Variants in CFAP299 observed in about 807,000 individuals in gnomAD.
CFAP299 encodes the protein cilia- and flagella-associated protein 299.
Under a neutral mutation model 27.0 loss-of-function variants are expected in CFAP299, and 21 were observed. That is an observed-to-expected ratio of 0.78 (90% CI 0.55 to 1.12). The LOEUF is 1.12. Among genes scored for constraint, CFAP299 ranks in the 50% most tolerant of loss-of-function variants. CFAP299 has a pLI of 0.00. For synonymous variants in CFAP299, 104 were observed against 98.1 expected (o/e 1.06, Z -0.36); for missense variants, 310 against 276.6 (o/e 1.12, Z -0.86).
At chr4:80,811,400 G>T (rs1307895118) in intron 3 of CFAP299, among the ~76,000 whole-genome samples, 2 of 152,106 alleles carry the variant, frequency 1.3e-5, no homozygotes, top group Non-Finnish European at 2.9e-5. Context: ...TTAGATGAAA[G>T]TGTTTATATA....
chr4:80,747,274 A>C (rs1493178), intron 3 of CFAP299, among the ~76,000 whole-genome samples: 35,026 of 151,934 alleles, frequency 0.23, 5,789 homozygotes, highest in African/African-American at 0.47. Flanking sequence ...ATTGTATGTA[A>C]TATACTTTTA....
intron 3 of CFAP299, among the ~76,000 whole-genome samples, chr4:80,593,575 C>T (rs1482064333): frequency 1.3e-5 from 2 of 152,144 alleles, no homozygotes; most frequent in South Asian, 2.1e-4. Flanking sequence ...GATATCCACA[C>T]TCTCCAGATA....
intron 5 of CFAP299, among the ~76,000 whole-genome samples, chr4:80,959,929 A>T (rs1333351866): frequency 6.6e-6 from 1 of 151,956 alleles, no homozygotes; most frequent in East Asian, 1.9e-4. Flanking sequence ...ATAAAATATT[A>T]AAAAATAAAC....
intron 4 of CFAP299, among the ~76,000 whole-genome samples, chr4:80,917,117 A>C (rs1370485759): frequency 6.6e-6 from 1 of 152,172 alleles, no homozygotes; most frequent in African/African-American, 2.4e-5. Flanking sequence ...CAAAATTTCT[A>C]ACAGGGTGGT....
At chr4:80,457,885 G>A (rs937769633) in intron 2 of CFAP299, among the ~76,000 whole-genome samples, 3 of 152,052 alleles carry the variant, frequency 2.0e-5, no homozygotes, top group Non-Finnish European at 2.9e-5. Flanking sequence ...TTTCTGAAAC[G>A]TTACTTCTGC....
intron 3 of CFAP299, among the ~76,000 whole-genome samples, chr4:80,811,409 T>C (rs1729147024): frequency 6.6e-6 from 1 of 152,190 alleles, no homozygotes; most frequent in African/African-American, 2.4e-5. Context: ...AGTGTTTATA[T>C]AACTAAAAAA....
rs183472691 is a variant in CFAP299, at chr4:80,556,047, C to T, written c.243-27046C>T. On this transcript the variant is annotated intron_variant, in intron 2 of 5. Coordinates refer to ENST00000358105, the MANE Select transcript of CFAP299 (RefSeq NM_152770.3). Reference sequence around the variant, plus strand: ...AAAATGAAAACAATCAGCAACATTTCAAACAACAAAAGCCATACAAATTGT... The same window carrying T: ...AAAATGAAAACAATCAGCAACATTTTAAACAACAAAAGCCATACAAATTGT... Among the ~76,000 whole-genome samples, 33 of 152,142 alleles carry T rather than the reference C, an allele frequency of 2.2e-4. No individual in the cohort carries two copies. In the East Asian group the frequency reaches 5.2e-3, roughly 24 times the overall value.
intron 2 of CFAP299, among the ~76,000 whole-genome samples, chr4:80,570,389 TA>T (rs1735526066): frequency 6.6e-6 from 1 of 151,982 alleles, no homozygotes. Context: ...AATAAAAATC[TA>T]AAATCTAGAA....
chr4:80,584,813 G>C (rs563378793), intron 3 of CFAP299, among the ~76,000 whole-genome samples: 6 of 152,094 alleles, frequency 3.9e-5, no homozygotes, highest in African/African-American at 1.4e-4. Flanking sequence ...GTAGTGATAA[G>C]TGGCTCTATA....
At chr4:80,710,500 T>TAA (rs5859733) in intron 3 of CFAP299, among the ~76,000 whole-genome samples, 7 of 112,066 alleles carry the variant, frequency 6.2e-5, no homozygotes, top group Non-Finnish European at 1.1e-4. Flanking sequence ...TTTTTTTTTT[T>TAA]AAAAAAAAAA....
chr4:80,956,900 T>C (rs181733186), intron 5 of CFAP299, among the ~76,000 whole-genome samples: 7 of 152,298 alleles, frequency 4.6e-5, no homozygotes, highest in Admixed American at 4.6e-4. Flanking sequence ...TTATATTCTT[T>C]TAAAGTTTAC....
intron 3 of CFAP299, among the ~76,000 whole-genome samples, chr4:80,702,416 G>T (rs991257899): frequency 6.6e-6 from 1 of 151,684 alleles, no homozygotes; most frequent in Non-Finnish European, 1.5e-5. Context: ...TTTTACACAC[G>T]ACACTGAGCT....
At chr4:80,348,363 G>T (rs192016415) in intron 1 of CFAP299, among the ~76,000 whole-genome samples, 1 of 152,274 alleles carries the variant, frequency 6.6e-6, no homozygotes, top group East Asian at 1.9e-4. Context: ...ATACAGAATT[G>T]TAGAAAATTT....
chr4:80,911,985 T>C (rs1266868711), intron 4 of CFAP299, among the ~76,000 whole-genome samples: 4 of 152,164 alleles, frequency 2.6e-5, no homozygotes, highest in African/African-American at 7.2e-5. Context: ...CTACTTTTAT[T>C]TGAGGAAAGC....
chr4:80,420,458 T>C, intron 2 of CFAP299: 1 of 279,524 alleles, frequency 3.6e-6, no homozygotes, highest in South Asian at 3.6e-5. Context: ...TAACAGCCAT[T>C]CTAACAAATG....
chr4:80,509,682 T>C (rs1732201344), intron 2 of CFAP299, among the ~76,000 whole-genome samples: 1 of 152,182 alleles, frequency 6.6e-6, no homozygotes, highest in Non-Finnish European at 1.5e-5. Context: ...TTATTATTTC[T>C]TCACACAGAA....
At chr4:80,357,736 A>C (rs1423732342) in intron 1 of CFAP299, among the ~76,000 whole-genome samples, 1 of 151,576 alleles carries the variant, frequency 6.6e-6, no homozygotes, top group Non-Finnish European at 1.5e-5. Context: ...TTTCTTCTTC[A>C]TTAGTCTAGC....
intron 3 of CFAP299, among the ~76,000 whole-genome samples, chr4:80,748,581 T>G (rs1033325430): frequency 6.6e-6 from 1 of 152,188 alleles, no homozygotes; most frequent in African/African-American, 2.4e-5. Flanking sequence ...TTTTATTGAA[T>G]TGATATATTG....
At chr4:80,388,357 G>A (rs1057478742) in intron 2 of CFAP299, 1 of 682,736 alleles carries the variant, frequency 1.5e-6, no homozygotes, top group South Asian at 1.6e-5. Context: ...GCACTGTGAT[G>A]TATGTAGAGA....
Sources: gnomAD v4.1 joint callset for allele counts (sites outside exome capture counted in the v4.1 genomes callset) on GRCh38, gnomAD v4.1.1 for gene constraint, MANE v1.5 for transcripts, NCBI Gene and HGNC (gene_info 2026-07-23, HGNC 2026-07-21) for gene names.